CCDC78: variants seen among roughly 807,000 people sequenced by gnomAD.
CCDC78 encodes the protein coiled-coil domain containing 78.
A neutral mutation model predicts 61.9 loss-of-function variants in CCDC78; 78 were observed. That is an observed-to-expected ratio of 1.26 (90% CI 1.05 to 1.52). The LOEUF (loss-of-function observed/expected upper bound fraction) is 1.52, where lower values mean the gene tolerates loss of function less well. Among genes scored for constraint, CCDC78 ranks in the 40% most tolerant of loss-of-function variants. The pLI, the probability that CCDC78 is intolerant of heterozygous loss-of-function variation, is 0.00. For missense variants in CCDC78, 737 were observed against 615.5 expected (o/e 1.20, Z -2.09); for synonymous variants, 287 against 251.9 (o/e 1.14, Z -1.32).
intron 11 of CCDC78, 130 bp from the exon 12 acceptor site, chr16:723,291 GCC>G (rs35843452): frequency 1.2e-5 from 12 of 961,404 alleles, no homozygotes; most frequent in African/African-American, 1.6e-5. Context: ...GGAGGCATGG[GCC>G]CCCCCCGTGC....
rs747124828 is a variant in CCDC78, at chr16:723,158, G to A, written c.1137C>T (p.Gly379=). The A allele has an allele frequency of 6.2e-7, 1 of 1,612,538 alleles. No homozygotes were observed. The highest frequency in any genetic ancestry group is 1.1e-5 in the South Asian group (1 of 91,086). ...ASQGGTSEPQ[G]LDAASWAQIH... ...TCTGGGCCCAGGATGCAGCGTCCAG[G>A]CCCCTGTGAGGGGAGAGGAAAGGAG... is the stretch of plus-strand genomic sequence containing the variant. The change falls in exon 12 of 14, where the codon GGC becomes GGT. Residue 379 remains glycine (G), a synonymous_variant. Transcript: ENST00000345165.
At chr16:723,729 G>C in intron 11 of CCDC78, 128 bp downstream of exon 11, 1 of 820,160 alleles carries the variant, frequency 1.2e-6, no homozygotes. Context: ...ATGTGCCACT[G>C]AGTGCATTGC....
chr16:725,159 A>C lies in CCDC78; in HGVS notation c.493-14T>G. Reference sequence around the variant, plus strand: ...TTCCCCCTGCAGCTGTGGGGCACACAGGGCTGGCTGGATGAGACCCTAGGC... The same window carrying C: ...TTCCCCCTGCAGCTGTGGGGCACACCGGGCTGGCTGGATGAGACCCTAGGC... On this transcript the variant is annotated splice_polypyrimidine_tract_variant and intron_variant, in intron 5 of 13. Coordinates refer to ENST00000345165, the MANE Select transcript of CCDC78 (RefSeq NM_001378030.1). 1.9e-6 allele frequency: 3 copies of C among 1,612,646 alleles called. No homozygotes were observed. Among genetic ancestry groups the C allele is most frequent in the Non-Finnish European group, 2.5e-6 (3 of 1,180,000 alleles).
At chr16:726,273 C>T in intron 1 of CCDC78, 35 bp downstream of exon 1, 1 of 1,549,624 alleles carries the variant, frequency 6.5e-7, no homozygotes, top group Non-Finnish European at 8.7e-7. Flanking sequence ...AGACTTCAAC[C>T]CCATGGCAGG....
Position 725,266 on chromosome 16 carries a change from C to T in CCDC78, c.463G>A (p.Glu155Lys), listed in dbSNP as rs369344548. Residue 155 changes from glutamate to lysine, a missense_variant, in exon 5 of 14, where the codon GAG becomes AAG. Coordinates refer to ENST00000345165, the MANE Select transcript of CCDC78 (RefSeq NM_001378030.1). ...CTCCCCAGCCTGTGCTGCTCATTCT[C>T]GGGGTTCATGGTGTTCTTGGGCTGC... Reference protein sequence around the residue: ...QVQPKNTMNPENEQHRLGSGL... With the variant: ...QVQPKNTMNPKNEQHRLGSGL... 1.1e-5 allele frequency: 18 copies of T among 1,607,326 alleles called. No homozygotes were observed. Among genetic ancestry groups the T allele is most frequent in the Non-Finnish European group, 1.4e-5 (17 of 1,179,968 alleles).
rs775362271 is a variant in CCDC78 at position 724,819 on chromosome 16, C to T, written c.640-13G>A. The T allele has an allele frequency of 1.6e-5, 26 of 1,611,530 alleles. No individual in the cohort carries two copies. Among genetic ancestry groups the T allele is most frequent in the Non-Finnish European group, 2.1e-5 (25 of 1,179,700 alleles). On this transcript the variant is annotated splice_polypyrimidine_tract_variant and intron_variant, in intron 7 of 13. Transcript: ENST00000345165. ...AGCTGCACAGCACCTGGGGTGGAAG[C>T]AGCCCTCCACCTGTGCCCTGAGAGT...
At position 725,806 on chromosome 16, in the gene CCDC78, C is replaced by T; in HGVS notation, c.255G>A (p.Gln85=). 6.2e-7 allele frequency: 1 copy of T among 1,608,452 alleles called. No homozygotes were observed. The highest frequency in any genetic ancestry group is 1.3e-5 in the African/African-American group (1 of 75,000). The change falls in exon 3 of 14, where the codon CAG becomes CAA. Residue 85 remains glutamine, a synonymous_variant. Coordinates refer to ENST00000345165, the MANE Select transcript of CCDC78 (RefSeq NM_001378030.1). The stretch of plus-strand genomic sequence containing the variant: ...CACGGCTGCTCACCTCACTCTTCAG[C>T]TGGAAGATTTCAGCCTCATGCTGCT... The part of the protein sequence containing the change: ...LHEQHEAEIF[Q]LKSEILRLES...
intron 13 of CCDC78, 43 bp downstream of exon 13, chr16:722,879 C>G (rs200333284): frequency 6.2e-7 from 1 of 1,610,108 alleles, no homozygotes; most frequent in South Asian, 1.1e-5. Context: ...TTCATTCCAA[C>G]CAGACCAGGG....
intron 7 of CCDC78, 52 bp downstream of exon 7, chr16:724,859 C>T (rs150155523): frequency 1.2e-6 from 2 of 1,605,052 alleles, no homozygotes; most frequent in Non-Finnish European, 1.7e-6. Context: ...CCCGGCTGAG[C>T]TTCTGGGGCC....
rs201503907 is a variant in CCDC78, at chr16:725,815, T to G, written c.246A>C (p.Glu82Asp). The change falls in exon 3 of 14, where the codon GAA becomes GAC. Residue 82 changes from glutamate to aspartate, a missense_variant. Glu to Asp is a conservative substitution (Grantham distance 45). Coordinates refer to ENST00000345165, the MANE Select transcript of CCDC78 (RefSeq NM_001378030.1). ...THHLHEQHEA[E>D]IFQLKSEILR... ...TCACCTCACTCTTCAGCTGGAAGAT[T>G]TCAGCCTCATGCTGCTCATGTAGGT... The G allele has an allele frequency of 7.6e-5, 122 of 1,610,004 alleles. No individual in the cohort carries two copies. In the East Asian group the frequency reaches 2.3e-3, roughly 30 times the overall value.
rs1377463958 is a variant in CCDC78 at position 726,126 on chromosome 16, G to A, written c.61-41C>T. On this transcript the variant is annotated intron_variant, in intron 1 of 13. Coordinates refer to ENST00000345165, the MANE Select transcript of CCDC78 (RefSeq NM_001378030.1). ...CACCCATTCCCCAGGTGGGTCCCAG[G>A]CTGGGCTGTGGCCCCACTCCCATGC... 3 of 1,549,830 alleles carry A rather than the reference G, an allele frequency of 1.9e-6. No individual in the cohort carries two copies. In the South Asian group the frequency reaches 3.6e-5, roughly 18 times the overall value.
In CCDC78 at chr16:724,122, C is replaced by T; in HGVS notation, c.1037G>A (p.Ser346Asn). Residue 346 changes from serine to asparagine, a missense_variant, in exon 10 of 14, where the codon AGC becomes AAC. Ser to Asn is a conservative substitution (Grantham distance 46). Transcript: ENST00000345165. ...TAGCCTCACCTGGTCCTCCCGATGG[C>T]TGAAGTCAGTGACCAGGGGCACGGG... ...PLPVPLVTDF[S>N]HREDQHGGPG... 6.3e-7 allele frequency: 1 copy of T among 1,598,838 alleles called. No homozygotes were observed. Among genetic ancestry groups the T allele is most frequent in the Middle Eastern group, 1.7e-4 (1 of 5,982 alleles).
chr16:725,266 C>A lies in CCDC78; in HGVS notation c.463G>T (p.Glu155Ter), dbSNP rs369344548. 2 of 1,607,326 alleles carry A rather than the reference C, an allele frequency of 1.2e-6. No homozygotes were observed. Among genetic ancestry groups the A allele is most frequent in the African/African-American group, 2.7e-5 (2 of 74,928 alleles). Residue 155 changes from glutamate (E) to a stop codon, truncating the protein, a stop_gained, in exon 5 of 14, where the codon GAG (glutamate) becomes TAG (stop). Coordinates refer to ENST00000345165, the MANE Select transcript of CCDC78 (RefSeq NM_001378030.1). LOFTEE classifies it high-confidence loss of function. ...CTCCCCAGCCTGTGCTGCTCATTCT[C>A]GGGGTTCATGGTGTTCTTGGGCTGC... is the stretch of plus-strand genomic sequence containing the variant. The part of the protein sequence containing the change: ...QVQPKNTMNP[E>*]NEQHRLGSGL...
At chr16:724,278 G>C (rs1432904648) in intron 9 of CCDC78, 44 bp downstream of exon 9, 1 of 1,598,298 alleles carries the variant, frequency 6.3e-7, no homozygotes, top group African/African-American at 1.3e-5. Flanking sequence ...CAGAGGCTTA[G>C]AGACCCACAG....
chr16:722,882 G>C (rs1192602245), intron 13 of CCDC78, 40 bp downstream of exon 13: 4 of 1,610,098 alleles, frequency 2.5e-6, no homozygotes, highest in Non-Finnish European at 3.4e-6. Flanking sequence ...ATTCCAACCA[G>C]ACCAGGGCCC....
intron 13 of CCDC78, 52 bp from the exon 14 acceptor site, chr16:722,841 CT>C: frequency 1.2e-6 from 2 of 1,609,198 alleles, no homozygotes; most frequent in Non-Finnish European, 1.7e-6. Context: ...GACAGGTCTG[CT>C]TTTAGCGCCT....
rs2040630443 is a variant in CCDC78, at chr16:724,444, A to C, written c.831T>G (p.Thr277=). ...TTALRTFLEA[T]LEDIRAAHRS... ...GGTGCGCTGCCCGGATGTCCTCCAG[A>C]GTCGCCTCCAGGAATGTCCGGAGGG... The change falls in exon 9 of 14, where the codon ACT becomes ACG. Residue 277 remains threonine (T), a synonymous_variant. Coordinates refer to ENST00000345165, the MANE Select transcript of CCDC78 (RefSeq NM_001378030.1). 4 of 1,605,136 alleles carry C rather than the reference A, an allele frequency of 2.5e-6. No individual in the cohort carries two copies. The highest frequency in any genetic ancestry group is 3.4e-6 in the Non-Finnish European group (4 of 1,179,790).
rs1287201653 is a variant in CCDC78 at position 722,611 on chromosome 16, G to C, written c.*67C>G. ...TTCTATCCTGACTCATGTTTTATGG[G>C]GGGCTGGGTGGGAGGGTTCTGTGCT... On this transcript the variant is annotated 3_prime_UTR_variant, in exon 14 of 14. Coordinates refer to ENST00000345165, the MANE Select transcript of CCDC78 (RefSeq NM_001378030.1). The C allele has an allele frequency of 1.3e-6, 2 of 1,588,482 alleles. No individual in the cohort carries two copies. Among genetic ancestry groups the C allele is most frequent in the East Asian group, 2.2e-5 (1 of 44,586 alleles).
rs180696429 is a variant in CCDC78, at chr16:722,600, A to C, written c.*78T>G. On this transcript the variant is annotated 3_prime_UTR_variant, in exon 14 of 14. Transcript: ENST00000345165. ...GACTCTGTGGGTTCTATCCTGACTC[A>C]TGTTTTATGGGGGGCTGGGTGGGAG... 12,415 of 452,910 alleles carry C rather than the reference A, an allele frequency of 0.027. 249 individuals are homozygous for C. The highest frequency in any genetic ancestry group is 0.076 in the South Asian group (5,226 of 68,528). The allele number at this position is 452,910 out of a possible 1,614,324, so 28.1% of individuals were successfully genotyped here.
Sources: allele counts gnomAD v4.1 joint callset, GRCh38; gene constraint gnomAD v4.1.1; transcripts MANE v1.5; gene names NCBI Gene and HGNC (gene_info 2026-07-23, HGNC 2026-07-21).